The following LRRC49 variants were observed in gnomAD, a reference collection of about 807,000 sequenced individuals.
The protein encoded by LRRC49 is leucine rich repeat containing 49.
Under a neutral mutation model 83.3 loss-of-function variants are expected in LRRC49, and 50 were observed. The observed-to-expected ratio is 0.60, with a 90% CI of 0.48 to 0.76. The LOEUF (loss-of-function observed/expected upper bound fraction) is 0.76. Ranked by LOEUF, LRRC49 falls within the 30% of genes least tolerant of loss-of-function variation. LRRC49 has a pLI of 0.00. For missense variants in LRRC49, 704 were observed against 809.1 expected, an observed-to-expected ratio of 0.87 and a Z score of 1.58; for synonymous variants, 286 against 283.3, an observed-to-expected ratio of 1.01 and a Z score of -0.10.
At chr15:70,973,786 A>G (rs1170068810) in intron 9 of LRRC49, among the ~76,000 whole-genome samples, 2 of 152,128 alleles carry the variant, frequency 1.3e-5, no homozygotes, top group African/African-American at 4.8e-5. Flanking sequence ...ACAAATTGTG[A>G]CAGTCAACTT....
intron 14 of LRRC49, among the ~76,000 whole-genome samples, chr15:71,019,141 G>A (rs905523569): frequency 7.9e-5 from 12 of 152,050 alleles, no homozygotes; most frequent in African/African-American, 2.7e-4. Flanking sequence ...CATTATGTAG[G>A]CATGATAAAT....
At chr15:70,895,230 C>T (rs1199100959) in intron 2 of LRRC49, among the ~76,000 whole-genome samples, 1 of 152,132 alleles carries the variant, frequency 6.6e-6, no homozygotes, top group Non-Finnish European at 1.5e-5. Flanking sequence ...TTGTTTTTCT[C>T]AGTCCTCCCA....
At chr15:70,861,781 C>G (rs185728785) in intron 1 of LRRC49, among the ~76,000 whole-genome samples, 1 of 152,094 alleles carries the variant, frequency 6.6e-6, no homozygotes, top group African/African-American at 2.4e-5. Flanking sequence ...GACCCTTAGC[C>G]GGGCATGGTG....
chr15:70,901,042 T>C lies in LRRC49; in HGVS notation c.296+18T>C. On this transcript the variant is annotated intron_variant, in intron 4 of 15. Transcript: ENST00000260382. ...CTAGAAAGGTGAGGACAATTTCTTT[T>C]CTTTTCTTTTTTTTGACTAGGTAAT... 1 of 1,507,750 alleles carries C rather than the reference T, an allele frequency of 6.6e-7. No homozygotes were observed. Among genetic ancestry groups the C allele is most frequent in the Non-Finnish European group, 9.1e-7 (1 of 1,097,348 alleles). The allele number at this position is 1,507,750 out of a possible 1,614,324, so 93.4% of individuals were successfully genotyped here. A position where few individuals can be genotyped will look rare whatever the true frequency, so the allele number is the denominator to read the frequency against.
At chr15:71,021,730 G>C (rs1300753724) in intron 14 of LRRC49, among the ~76,000 whole-genome samples, 1 of 152,110 alleles carries the variant, frequency 6.6e-6, no homozygotes, top group African/African-American at 2.4e-5. Context: ...GCTGTAACCT[G>C]GTCTAGGAAG....
Position 71,029,705 on chromosome 15 carries a change from C to T in LRRC49, c.1704-7474C>T, listed in dbSNP as rs142992065. Among the ~76,000 whole-genome samples the T allele has an allele frequency of 3.9e-4, 59 of 152,120 alleles. No individual in the cohort carries two copies. The East Asian group carries it at 0.01, about 26-fold the overall frequency. On this transcript the variant is annotated intron_variant, in intron 14 of 15. Transcript: ENST00000260382. ...GTTGTTTTATGAATCTGGGTGCTCCCGTATTAGACGCATATATATTTAGGA... is the reference window on the plus strand; with the variant it reads ...GTTGTTTTATGAATCTGGGTGCTCCTGTATTAGACGCATATATATTTAGGA...
At chr15:70,861,064 T>C (rs2032777466) in intron 1 of LRRC49, among the ~76,000 whole-genome samples, 1 of 152,156 alleles carries the variant, frequency 6.6e-6, no homozygotes, top group African/African-American at 2.4e-5. Context: ...GTAATGTGGA[T>C]CATTATTTTA....
At chr15:70,941,344 A>G (rs181382281) in intron 8 of LRRC49, among the ~76,000 whole-genome samples, 18 of 152,242 alleles carry the variant, frequency 1.2e-4, no homozygotes, top group Admixed American at 9.2e-4. Context: ...TCTTATTTCA[A>G]TACTACTTTA....
intron 11 of LRRC49, among the ~76,000 whole-genome samples, chr15:70,985,689 C>T (rs1358556310): frequency 6.6e-6 from 1 of 151,710 alleles, no homozygotes; most frequent in East Asian, 1.9e-4. Context: ...GTGTTTTAGA[C>T]ATAAAGTCCT....
At chr15:71,034,929 T>C (rs947009484) in intron 14 of LRRC49, among the ~76,000 whole-genome samples, 1 of 152,174 alleles carries the variant, frequency 6.6e-6, no homozygotes, top group Non-Finnish European at 1.5e-5. Context: ...GATAAATAGC[T>C]AATGCATGTG....
intron 11 of LRRC49, among the ~76,000 whole-genome samples, chr15:70,986,415 T>C (rs1402961038): frequency 2.6e-5 from 4 of 151,220 alleles, no homozygotes; most frequent in Admixed American, 1.3e-4. Context: ...GGGAGTTCAC[T>C]CATGATTTGG....
intron 8 of LRRC49, among the ~76,000 whole-genome samples, chr15:70,959,306 A>G (rs542429576): frequency 1.6e-3 from 243 of 152,192 alleles, no homozygotes; most frequent in Non-Finnish European, 2.6e-3. Flanking sequence ...CAGCCTGGCC[A>G]TGGTGAAACC....
In LRRC49 at chr15:70,988,345, G is replaced by C. The variant is rs547365990; in HGVS notation, c.1169+4088G>C. 8.9e-5 allele frequency among the ~76,000 whole-genome samples: 13 copies of C among 145,752 alleles called. No individual in the cohort carries two copies. The South Asian group carries it at 2.7e-3, about 31-fold the overall frequency. ...CTGTATTGGGTGCATATATATTTAG[G>C]ATAGTTAGCTCTTCTTGTTGAATTG... On this transcript the variant is annotated intron_variant, in intron 11 of 15. Transcript: ENST00000260382.
intron 11 of LRRC49, among the ~76,000 whole-genome samples, chr15:70,991,952 T>A (rs920447869): frequency 2.0e-5 from 3 of 152,370 alleles, no homozygotes; most frequent in African/African-American, 7.2e-5. Context: ...ATATGCTTTT[T>A]AAATTTTAGT....
Position 70,904,241 on chromosome 15 carries a change from A to G in LRRC49, c.297-311A>G, listed in dbSNP as rs2034204654. On this transcript the variant is annotated intron_variant, in intron 4 of 15. Coordinates refer to ENST00000260382, the MANE Select transcript of LRRC49 (RefSeq NM_017691.5). ...CTTCAGCCATTTAAACCTCTATCAC[A>G]AAAGGAAATTATGTTGAATGTTTTC... 2.0e-5 allele frequency among the ~76,000 whole-genome samples: 3 copies of G among 152,310 alleles called. No individual in the cohort carries two copies. In the South Asian group the frequency reaches 6.2e-4, roughly 32 times the overall value.
chr15:70,870,123 A>C lies in LRRC49; in HGVS notation c.-298-2785A>C, dbSNP rs28396766. On this transcript the variant is annotated intron_variant, in intron 1 of 16. Transcript: ENST00000544974. ...ACAATTTAAGTTTGGAATGTGTCCA[A>C]GCAAAATTCTTTTTCTGTACTAAGC... 1.0e-2 allele frequency among the ~76,000 whole-genome samples: 1,517 copies of C among 152,342 alleles called. 27 individuals carry two copies. Among genetic ancestry groups the C allele is most frequent in the African/African-American group, 0.034 (1,430 of 41,584 alleles).
At position 70,901,047 on chromosome 15, in the gene LRRC49, T is replaced by C; in HGVS notation, c.296+23T>C. On this transcript the variant is annotated intron_variant, in intron 4 of 15. Coordinates refer to ENST00000260382, the MANE Select transcript of LRRC49 (RefSeq NM_017691.5). ...AAGGTGAGGACAATTTCTTTTCTTTTCTTTTTTTTGACTAGGTAATACATA... is the reference window on the plus strand; with the variant it reads ...AAGGTGAGGACAATTTCTTTTCTTTCCTTTTTTTTGACTAGGTAATACATA... 3 of 1,479,744 alleles carry C rather than the reference T, an allele frequency of 2.0e-6. No homozygotes were observed. The South Asian group carries it at 3.6e-5, about 18-fold the overall frequency. The allele number at this position is 1,479,744 out of a possible 1,614,324, so 91.7% of individuals were successfully genotyped here. A position where few individuals can be genotyped will look rare whatever the true frequency, so the allele number is the denominator to read the frequency against.
upstream of LRRC49, chr15:70,892,193 C>T (rs778832134): frequency 1.2e-6 from 2 of 1,608,188 alleles, no homozygotes; most frequent in Admixed American, 1.7e-5. Context: ...CCGCACGGCC[C>T]GGTCCTTGGG....
At chr15:70,854,073 C>G (rs2032577995) in intron 1 of LRRC49, 2 of 1,369,424 alleles carry the variant, frequency 1.5e-6, no homozygotes. Flanking sequence ...CGAGCCTCCC[C>G]GCCGGACTGG....
Sources: gnomAD v4.1 joint callset for allele counts (sites outside exome capture counted in the v4.1 genomes callset) on GRCh38, gnomAD v4.1.1 for gene constraint, MANE v1.5 for transcripts, NCBI Gene and HGNC (gene_info 2026-07-23, HGNC 2026-07-21) for gene names.